Variants in QTGAL observed in about 807,000 individuals in gnomAD.
QTGAL encodes the protein queuosine-tRNA galactosyltransferase, also known as BGnT-like protein 1.
the QTGAL span, among the ~76,000 whole-genome samples, chr17:82,996,258 T>C: frequency 6.6e-6 from 1 of 152,304 alleles, no homozygotes; most frequent in African/African-American, 2.4e-5. Flanking sequence ...GTGCAGTGGC[T>C]CATGCCTGTA....
At chr17:83,048,945 C>T in the QTGAL span, 9 of 639,028 alleles carry the variant, frequency 1.4e-5, no homozygotes, top group Admixed American at 2.9e-5. Flanking sequence ...AGATTCTTTA[C>T]GTCTTAGCTT....
the QTGAL span, chr17:82,980,985 C>G: frequency 6.6e-6 from 1 of 152,190 alleles, no homozygotes; most frequent in Non-Finnish European, 1.5e-5. Context: ...TTAACATAAA[C>G]TCAGGTGTGT....
chr17:83,035,241 G>T, the QTGAL span: 1 of 623,382 alleles, frequency 1.6e-6, no homozygotes, highest in African/African-American at 1.9e-5. Flanking sequence ...GTGCAGTGGC[G>T]TGATTTTGGC....
chr17:82,952,597 C>T, the QTGAL span, among the ~76,000 whole-genome samples: 3 of 152,140 alleles, frequency 2.0e-5, no homozygotes. Context: ...ACTTAGGCAA[C>T]CACACAATAA....
chr17:83,010,746 C>T, the QTGAL span, among the ~76,000 whole-genome samples: 49 of 152,320 alleles, frequency 3.2e-4, 1 homozygote, highest in Non-Finnish European at 6.2e-4. Context: ...GCTGCCGTGC[C>T]GTCTGGATGA....
chr17:82,987,669 T>C, the QTGAL span, among the ~76,000 whole-genome samples: 1 of 152,238 alleles, frequency 6.6e-6, no homozygotes, highest in African/African-American at 2.4e-5. Context: ...TTTTGGTTAC[T>C]GTAGACTTGT....
the QTGAL span, among the ~76,000 whole-genome samples, chr17:83,034,473 G>A: frequency 1.3e-5 from 2 of 152,116 alleles, no homozygotes; most frequent in Non-Finnish European, 2.9e-5. Flanking sequence ...ATAACTATTT[G>A]ATAAGGTTGG....
chr17:82,962,549 TCACACGGG>T, the QTGAL span, among the ~76,000 whole-genome samples: 17 of 131,794 alleles, frequency 1.3e-4, no homozygotes, highest in Admixed American at 3.0e-4. Flanking sequence ...ACACGGACCC[TCACACGGG>T]TGATTTAGGG....
the QTGAL span, among the ~76,000 whole-genome samples, chr17:82,996,629 T>A: frequency 1.3e-5 from 2 of 151,882 alleles, no homozygotes; most frequent in East Asian, 3.9e-4. Context: ...ATTGGAGGAA[T>A]CACATTACCT....
the QTGAL span, chr17:83,048,860 C>T: frequency 1.7e-6 from 2 of 1,179,150 alleles, no homozygotes; most frequent in Admixed American, 1.7e-5. Flanking sequence ...TTTACCTCCC[C>T]TTCACCACCC....
At chr17:82,943,837 C>T in the QTGAL span, 1 of 152,272 alleles carries the variant, frequency 6.6e-6, no homozygotes, top group Non-Finnish European at 1.5e-5. Flanking sequence ...TAATAGGGGT[C>T]TCCTCCTCCT....
chr17:83,017,927 G>C, the QTGAL span, among the ~76,000 whole-genome samples: 1,906 of 144,068 alleles, frequency 0.013, 62 homozygotes, highest in African/African-American at 0.05. Context: ...CCACAAACAC[G>C]GTGCGCCTGT....
At chr17:82,991,975 A>G in the QTGAL span, among the ~76,000 whole-genome samples, 1 of 152,174 alleles carries the variant, frequency 6.6e-6, no homozygotes, top group African/African-American at 2.4e-5. Context: ...AGAATTAGTG[A>G]GCTTGAAGAA....
chr17:82,965,690 C>T, the QTGAL span: 39 of 1,612,202 alleles, frequency 2.4e-5, no homozygotes, highest in South Asian at 3.3e-4. Context: ...GGGAGAACCA[C>T]GCTCGCGAGC....
chr17:82,973,011 CCT>C, the QTGAL span, among the ~76,000 whole-genome samples: 1 of 152,192 alleles, frequency 6.6e-6, no homozygotes, highest in South Asian at 2.1e-4. Flanking sequence ...GGAGGGGGCC[CCT>C]GTGTCACACA....
chr17:83,043,344 A>G, the QTGAL span, among the ~76,000 whole-genome samples: 1 of 152,246 alleles, frequency 6.6e-6, no homozygotes. Flanking sequence ...CAGTGAAATG[A>G]AACTAGAAAT....
At chr17:82,977,821 C>T in the QTGAL span, among the ~76,000 whole-genome samples, 31 of 152,196 alleles carry the variant, frequency 2.0e-4, no homozygotes, top group Non-Finnish European at 3.8e-4. Context: ...CTCGTTTTCA[C>T]GCTGCCCATG....
the QTGAL span, among the ~76,000 whole-genome samples, chr17:82,971,616 C>T: frequency 9.3e-3 from 1,355 of 145,424 alleles, 16 homozygotes; most frequent in Non-Finnish European, 0.016. Context: ...GACCACACCA[C>T]ACCACAGGGG....
the QTGAL span, chr17:82,965,642 G>A: frequency 3.1e-6 from 5 of 1,599,116 alleles, no homozygotes; most frequent in African/African-American, 1.3e-5. Flanking sequence ...TCCCGCCTTC[G>A]GCCCTTACCT....
Sources: allele counts gnomAD v4.1 joint callset (sites outside exome capture counted in the v4.1 genomes callset), GRCh38; gene constraint gnomAD v4.1.1; transcripts MANE v1.5; gene names NCBI Gene and HGNC (gene_info 2026-07-23, HGNC 2026-07-21).